HAUS8: variants seen among roughly 807,000 people sequenced by gnomAD.
HAUS8 encodes the protein HAUS augmin like complex subunit 8.
In HAUS8, 38 loss-of-function variants were observed where a neutral mutation model predicts 42.9. The ratio of observed to expected loss-of-function variants is 0.89; its 90% CI spans 0.68 to 1.16. The LOEUF is 1.16. Ranked by LOEUF, HAUS8 falls within the 50% of genes most tolerant of loss-of-function variation. The pLI, the probability that HAUS8 is intolerant of heterozygous loss-of-function variation, is 0.00. For missense variants in HAUS8, 494 were observed against 511.6 expected (o/e 0.97, Z 0.33); for synonymous variants, 199 against 205.8 (o/e 0.97, Z 0.28).
chr19:17,056,901 G>C (rs892624625), intron 8 of HAUS8, among the ~76,000 whole-genome samples: 1 of 151,720 alleles, frequency 6.6e-6, no homozygotes, highest in African/African-American at 2.4e-5. Context: ...ATTTTTTATA[G>C]ACAGATCTTA....
At chr19:17,075,533 C>T, upstream of HAUS8, 2 of 1,172,328 alleles carry the variant, frequency 1.7e-6, no homozygotes, top group African/African-American at 1.5e-5. Flanking sequence ...GGCTGCGAGG[C>T]GTGAGGCAGC....
At chr19:17,058,289 C>G (rs1042875781) in intron 8 of HAUS8, among the ~76,000 whole-genome samples, 2 of 152,254 alleles carry the variant, frequency 1.3e-5, no homozygotes, top group African/African-American at 2.4e-5. Flanking sequence ...TCACGATCAT[C>G]AGGCGCTCAG....
At chr19:17,060,642 A>T (rs2057354740) in intron 4 of HAUS8, among the ~76,000 whole-genome samples, 1 of 152,226 alleles carries the variant, frequency 6.6e-6, no homozygotes, top group African/African-American at 2.4e-5. Flanking sequence ...TCCTGGCTTC[A>T]GGTGATCTAT....
intron 5 of HAUS8, 50 bp from the exon 6 acceptor site, chr19:17,059,701 T>C: frequency 7.7e-7 from 1 of 1,298,498 alleles, no homozygotes; most frequent in Non-Finnish European, 1.1e-6. Context: ...TATAGACTGG[T>C]CCCTGGTTGC....
intron 4 of HAUS8, among the ~76,000 whole-genome samples, chr19:17,061,947 G>A (rs535555496): frequency 6.6e-6 from 1 of 151,880 alleles, no homozygotes; most frequent in South Asian, 2.1e-4. Flanking sequence ...CGCCTGGGAA[G>A]GGCATAGCGC....
intron 1 of HAUS8, chr19:17,073,566 G>A (rs1305107936): frequency 8.8e-6 from 5 of 566,882 alleles, no homozygotes; most frequent in South Asian, 5.9e-5. Context: ...AGAGAGGAGG[G>A]TAATGAGAGC....
Position 17,050,154 on chromosome 19 carries a change from G to C in HAUS8, c.952C>G (p.Leu318Val), listed in dbSNP as rs2057278205. Residue 318 changes from leucine to valine, a missense_variant, in exon 11 of 11, where the codon CTC becomes GTC. Physicochemically the swap from Leu to Val is conservative, Grantham distance 32. Transcript: ENST00000253669. ...LRRSFAQVLE[L>V]SAEASKEAAL... ...GCCTCTTTGCTTGCCTCTGCGGAGA[G>C]TTCCAGCACCTGGGCAAAGCTCCTG... The C allele has an allele frequency of 6.6e-7, 1 of 1,516,434 alleles. No individual in the cohort carries two copies. The highest frequency in any genetic ancestry group is 8.8e-7 in the Non-Finnish European group (1 of 1,131,936). The allele number at this position is 1,516,434 out of a possible 1,614,324, so 93.9% of individuals were successfully genotyped here.
chr19:17,049,782 CTTT>C lies in HAUS8; in HGVS notation c.*88_*90del. The C allele has an allele frequency of 8.8e-7, 1 of 1,138,062 alleles. No individual in the cohort carries two copies. Among genetic ancestry groups the C allele is most frequent in the Admixed American group, 3.0e-5 (1 of 33,364 alleles). The allele number at this position is 1,138,062 out of a possible 1,614,324, so 70.5% of individuals were successfully genotyped here. A position where few individuals can be genotyped will look rare whatever the true frequency, so the allele number is the denominator to read the frequency against. On this transcript the variant is annotated 3_prime_UTR_variant, in exon 11 of 11. Transcript: ENST00000253669. Reference sequence around the variant, plus strand: ...AGGCTTCAATTGCAAAACAGGTTTACTTTTTTATCAAACAAGATTATCACATAA... The same window carrying C: ...AGGCTTCAATTGCAAAACAGGTTTACTTTATCAAACAAGATTATCACATAA...
chr19:17,060,277 C>T (rs1317816179), intron 4 of HAUS8, 185 bp from the exon 5 acceptor site: 5 of 548,528 alleles, frequency 9.1e-6, no homozygotes, highest in East Asian at 2.9e-5. Flanking sequence ...ATCACCTTGA[C>T]TCTATTTTTA....
Position 17,057,570 on chromosome 19 carries a change from C to T in HAUS8, c.645+979G>A, listed in dbSNP as rs75817597. 0.01 allele frequency among the ~76,000 whole-genome samples: 1,523 copies of T among 152,298 alleles called. 134 individuals carry two copies. The East Asian group carries it at 0.22, about 22-fold the overall frequency. ...ATCTGCATGTAAGTGGAACCTCACA[C>T]TTCAAATTCGTGTTGTTTGAGGGTC... On this transcript the variant is annotated intron_variant, in intron 8 of 10. Transcript: ENST00000253669.
At position 17,075,382 on chromosome 19, in the gene HAUS8, G is replaced by A. The variant is rs748321810; in HGVS notation, c.29+12C>T. 6.2e-7 allele frequency: 1 copy of A among 1,613,810 alleles called. No homozygotes were observed. Among genetic ancestry groups the A allele is most frequent in the Admixed American group, 1.7e-5 (1 of 60,030 alleles). ...CGTCTACAAATCCAGACCTGCGGAA[G>A]CCCCAACTCACCCAGCGCCTCGCCC... On this transcript the variant is annotated intron_variant, in intron 1 of 10. Transcript: ENST00000253669.
intron 9 of HAUS8, 118 bp downstream of exon 9, chr19:17,055,743 C>T (rs2123363463): frequency 1.8e-6 from 2 of 1,138,162 alleles, no homozygotes; most frequent in East Asian, 2.6e-5. Context: ...CCCTCCCCAT[C>T]CTCTGCCTTA....
intron 3 of HAUS8, among the ~76,000 whole-genome samples, chr19:17,067,204 C>CAAA (rs113437145): frequency 1.8e-3 from 230 of 124,384 alleles, no homozygotes; most frequent in African/African-American, 6.3e-3. Flanking sequence ...GACTCCATCT[C>CAAA]AAAAAAAAAA....
intron 9 of HAUS8, among the ~76,000 whole-genome samples, chr19:17,054,038 GCCATGAGCCAAGGAACGCCAAGGGCCA>G (rs1253183300): frequency 6.6e-6 from 1 of 152,122 alleles, no homozygotes; most frequent in Non-Finnish European, 1.5e-5. Flanking sequence ...GAGGGACACG[GCCATGAGCCAAGGAACGCCAAGGGCCA>G]CCAGCAGCCA....
intron 10 of HAUS8, among the ~76,000 whole-genome samples, chr19:17,050,508 C>T (rs1259570051): frequency 6.6e-6 from 1 of 152,092 alleles, no homozygotes; most frequent in African/African-American, 2.4e-5. Flanking sequence ...TGCTGTAATC[C>T]CAGAACTTTG....
intron 3 of HAUS8, among the ~76,000 whole-genome samples, chr19:17,065,436 A>G (rs544924666): frequency 6.6e-6 from 1 of 152,344 alleles, no homozygotes; most frequent in Admixed American, 6.5e-5. Flanking sequence ...GAATCTGAAC[A>G]GACAGGACTT....
rs761346540 is a variant in HAUS8 at position 17,069,102 on chromosome 19, G to A, written c.92-16C>T. ...ACTCTTCCACCTGTGGGGACACACTGTTGGTGCACAACAAAACTACAAAGG... is the reference window on the plus strand; with the variant it reads ...ACTCTTCCACCTGTGGGGACACACTATTGGTGCACAACAAAACTACAAAGG... On this transcript the variant is annotated splice_polypyrimidine_tract_variant and intron_variant, in intron 2 of 10. Coordinates refer to ENST00000253669, the MANE Select transcript of HAUS8 (RefSeq NM_033417.2). 60 of 1,610,606 alleles carry A rather than the reference G, an allele frequency of 3.7e-5. No homozygotes were observed. The highest frequency in any genetic ancestry group is 4.5e-5 in the Non-Finnish European group (53 of 1,177,852).
chr19:17,053,786 C>G (rs930036032), intron 9 of HAUS8: 2 of 151,846 alleles, frequency 1.3e-5, no homozygotes, highest in African/African-American at 4.8e-5. Context: ...CCTCAGGATC[C>G]TGAGTAGCTG....
At position 17,060,037 on chromosome 19, in the gene HAUS8, A is replaced by G. The variant is rs2057350482; in HGVS notation, c.285T>C (p.His95=). Reference sequence around the variant, plus strand: ...GATCCAGGTCAGGTGGAGCTGTGCCATGCCCTTCCAGCAACGTGGACTGCA... The same window carrying G: ...GATCCAGGTCAGGTGGAGCTGTGCCGTGCCCTTCCAGCAACGTGGACTGCA... ...GDLQSTLLEG[H]GTAPPDLDLS... is the part of the protein sequence containing the mutation. Residue 95 remains histidine (H), a synonymous_variant, in exon 5 of 11, where the codon CAT becomes CAC. Transcript: ENST00000253669. 1.1e-5 allele frequency: 17 copies of G among 1,613,678 alleles called. No homozygotes were observed. The highest frequency in any genetic ancestry group is 1.4e-5 in the Non-Finnish European group (17 of 1,179,694).
Sources: allele counts gnomAD v4.1 joint callset (sites outside exome capture counted in the v4.1 genomes callset), GRCh38; gene constraint gnomAD v4.1.1; transcripts MANE v1.5; gene names NCBI Gene and HGNC (gene_info 2026-07-23, HGNC 2026-07-21).